The following RELN variants were observed in gnomAD, a reference collection of about 807,000 sequenced individuals.
RELN encodes reelin.
Under a neutral mutation model 427.6 loss-of-function variants are expected in RELN, and 108 were observed. The ratio of observed to expected loss-of-function variants is 0.25; its 90% CI spans 0.22 to 0.30. The LOEUF (loss-of-function observed/expected upper bound fraction) is 0.30, where lower values mean the gene tolerates loss of function less well. Among genes scored for constraint, RELN ranks in the 10% least tolerant of loss-of-function variants. RELN has a pLI of 1.00. For synonymous variants in RELN, 1,524 were observed against 1,513.4 expected, an observed-to-expected ratio of 1.01 and a Z score of -0.16; for missense variants, 3,715 against 4,302.8, an observed-to-expected ratio of 0.86 and a Z score of 3.82.
At chr7:103,952,362 C>T (rs1796349102) in intron 1 of RELN, among the ~76,000 whole-genome samples, 1 of 152,186 alleles carries the variant, frequency 6.6e-6, no homozygotes, top group African/African-American at 2.4e-5. Flanking sequence ...TGCAGATATA[C>T]TGTGCAATAT....
intron 8 of RELN, among the ~76,000 whole-genome samples, chr7:103,712,104 G>T (rs1015463205): frequency 1.3e-5 from 2 of 152,114 alleles, no homozygotes; most frequent in African/African-American, 2.4e-5. Context: ...CCGGCCTGGA[G>T]AATCCTAAAG....
intron 3 of RELN, among the ~76,000 whole-genome samples, chr7:103,825,575 T>C (rs1417882220): frequency 6.6e-6 from 1 of 152,166 alleles, no homozygotes. Context: ...CTTCTATGTG[T>C]CCTTTGAATT....
At chr7:103,509,784 C>T (rs189528729) in intron 51 of RELN, among the ~76,000 whole-genome samples, 1 of 149,320 alleles carries the variant, frequency 6.7e-6, no homozygotes, top group Non-Finnish European at 1.5e-5. Context: ...CTACAAAGAC[C>T]TTAAAGAAAT....
chr7:103,566,318 T>G lies in RELN; in HGVS notation c.4842A>C (p.Ile1614=). The G allele has an allele frequency of 6.2e-7, 1 of 1,614,072 alleles. No individual in the cohort carries two copies. Among genetic ancestry groups the G allele is most frequent in the Non-Finnish European group, 8.5e-7 (1 of 1,179,954 alleles). Residue 1614 remains isoleucine, a synonymous_variant, in exon 33 of 65, where the codon ATA becomes ATC. Transcript: ENST00000428762. ...TTCGATACCAGTTGGCTTGCAAATC[T>G]ATAGAGCCATCAAATTTGTCTTGAA... ...TGFQDKFDGS[I]DLQANWYRIQ... is the part of the protein sequence containing the mutation.
intron 3 of RELN, among the ~76,000 whole-genome samples, chr7:103,823,003 G>A (rs1205384067): frequency 5.9e-5 from 9 of 151,896 alleles, no homozygotes; most frequent in African/African-American, 9.7e-5. Context: ...CTAGAAATAC[G>A]TACTCAGTAT....
At chr7:103,762,527 C>G (rs1297375546) in intron 4 of RELN, among the ~76,000 whole-genome samples, 1 of 152,174 alleles carries the variant, frequency 6.6e-6, no homozygotes, top group Non-Finnish European at 1.5e-5. Context: ...TAGAGCTGAT[C>G]CAACTGCAAA....
chr7:103,748,324 T>C (rs1199950293), intron 6 of RELN, among the ~76,000 whole-genome samples: 1 of 152,116 alleles, frequency 6.6e-6, no homozygotes. Context: ...ACTATCTAGA[T>C]GTATATTTCT....
chr7:103,537,223 T>C (rs1192537061), intron 45 of RELN, among the ~76,000 whole-genome samples: 1 of 152,220 alleles, frequency 6.6e-6, no homozygotes, highest in African/African-American at 2.4e-5. Flanking sequence ...CTGCTGATTT[T>C]TTTTGCATTA....
intron 33 of RELN, 71 bp from the exon 34 acceptor site, chr7:103,565,622 T>G: frequency 6.7e-7 from 1 of 1,482,160 alleles, no homozygotes; most frequent in Admixed American, 1.8e-5. Flanking sequence ...ATGCTTATAA[T>G]AAACATCTTC....
intron 2 of RELN, among the ~76,000 whole-genome samples, chr7:103,852,062 C>A (rs1793835373): frequency 6.6e-6 from 1 of 152,142 alleles, no homozygotes; most frequent in African/African-American, 2.4e-5. Flanking sequence ...TTTGTTACCA[C>A]AGCAAGATGG....
intron 25 of RELN, 39 bp downstream of exon 25, chr7:103,596,417 C>T (rs1275577161): frequency 2.0e-6 from 3 of 1,526,896 alleles, no homozygotes; most frequent in African/African-American, 2.7e-5. Context: ...CTTTACCATT[C>T]CTGGAAACTA....
chr7:103,853,815 T>G (rs1376050946), intron 2 of RELN, among the ~76,000 whole-genome samples: 2 of 152,038 alleles, frequency 1.3e-5, no homozygotes, highest in East Asian at 3.8e-4. Context: ...TATACATGCA[T>G]GATAAAAAAG....
intron 46 of RELN, among the ~76,000 whole-genome samples, chr7:103,528,822 C>A (rs1829878885): frequency 6.6e-6 from 1 of 151,716 alleles, no homozygotes; most frequent in South Asian, 2.1e-4. Context: ...AGCCACTGCA[C>A]CCAGCCAATA....
rs1188809050 is a variant in RELN at position 103,620,702 on chromosome 7, G to A, written c.2703-8899C>T. ...TTGGCCAGGCTGGTCTTGAACTCCTGACCTCAAGTGATCTGCCCGCCTCAG... is the reference window on the plus strand; with the variant it reads ...TTGGCCAGGCTGGTCTTGAACTCCTAACCTCAAGTGATCTGCCCGCCTCAG... On this transcript the variant is annotated intron_variant, in intron 20 of 64. Transcript: ENST00000428762. This position sits in a 1 kb window ranked among gnomAD's most constrained non-coding sequence, Gnocchi z 4.1. Among the ~76,000 whole-genome samples the A allele has an allele frequency of 6.6e-6, 1 of 152,098 alleles. No individual in the cohort carries two copies. Among genetic ancestry groups the A allele is most frequent in the Non-Finnish European group, 1.5e-5 (1 of 68,028 alleles).
In RELN at chr7:103,557,164, G is replaced by A. The variant is rs1185133754; in HGVS notation, c.5615-5C>T. ...AGTGAGATCTCTCTGGGGTACCTAG[G>A]AAGAAGATAACACAGGTATAAAACA... is the stretch of plus-strand genomic sequence containing the variant. On this transcript the variant is annotated splice_region_variant and splice_polypyrimidine_tract_variant and intron_variant, in intron 37 of 64. Coordinates refer to ENST00000428762, the MANE Select transcript of RELN (RefSeq NM_005045.4). 1.9e-6 allele frequency: 3 copies of A among 1,609,126 alleles called. No homozygotes were observed. Among genetic ancestry groups the A allele is most frequent in the East Asian group, 4.5e-5 (2 of 44,830 alleles).
At chr7:103,912,094 C>T (rs562720788) in intron 2 of RELN, among the ~76,000 whole-genome samples, 1 of 152,052 alleles carries the variant, frequency 6.6e-6, no homozygotes, top group Admixed American at 6.5e-5. Flanking sequence ...AAAAATATGA[C>T]ATGAATAGCT....
intron 1 of RELN, among the ~76,000 whole-genome samples, chr7:103,922,368 T>C (rs937705795): frequency 6.6e-6 from 1 of 152,174 alleles, no homozygotes; most frequent in African/African-American, 2.4e-5. Context: ...TAAATGTATA[T>C]ACCAAATTAA....
At chr7:103,621,467 C>G (rs1170608692) in intron 20 of RELN, among the ~76,000 whole-genome samples, 1 of 152,110 alleles carries the variant, frequency 6.6e-6, no homozygotes, top group African/African-American at 2.4e-5. Context: ...TCCTGGAAAG[C>G]TTGGAGGCTG....
chr7:103,987,072 T>C (rs918101009), intron 1 of RELN, among the ~76,000 whole-genome samples: 4 of 52,826 alleles, frequency 7.6e-5, no homozygotes, highest in African/African-American at 4.7e-4. Context: ...TAGAACATTT[T>C]ACAAAAAAAA....
Sources: gnomAD v4.1 joint callset for allele counts (sites outside exome capture counted in the v4.1 genomes callset) on GRCh38, gnomAD v4.1.1 for gene constraint, Gnocchi (gnomAD v3.1) non-coding constraint, MANE v1.5 for transcripts, NCBI Gene and HGNC (gene_info 2026-07-23, HGNC 2026-07-21) for gene names.